The following CFAP299 variants were observed in gnomAD, a reference collection of about 807,000 sequenced individuals.
CFAP299 encodes the protein cilia- and flagella-associated protein 299.
Under a neutral mutation model 27.0 loss-of-function variants are expected in CFAP299, and 21 were observed. The ratio of observed to expected loss-of-function variants is 0.78; its 90% CI spans 0.55 to 1.12. CFAP299 has a LOEUF of 1.12. Among genes scored for constraint, CFAP299 ranks in the 50% most tolerant of loss-of-function variants. The pLI is 0.00. For synonymous variants in CFAP299, 104 were observed against 98.1 expected (o/e 1.06, Z -0.36); for missense variants, 310 against 276.6 (o/e 1.12, Z -0.86).
intron 4 of CFAP299, among the ~76,000 whole-genome samples, chr4:80,933,992 C>T (rs896797387): frequency 6.6e-6 from 1 of 152,072 alleles, no homozygotes; most frequent in Non-Finnish European, 1.5e-5. Flanking sequence ...GAGTAGGCAT[C>T]CTTGTCTTGT....
At position 80,723,522 on chromosome 4, in the gene CFAP299, ACTAAT is replaced by A. The variant is rs1305531295; in HGVS notation, c.333+140343_333+140347del. 2.6e-5 allele frequency among the ~76,000 whole-genome samples: 4 copies of A among 152,244 alleles called. No homozygotes were observed. The East Asian group carries it at 7.7e-4, about 29-fold the overall frequency. ...ATATAAAATTCTAAAAAAAACGCAAACTAATCTATAGTTAAAGAAACTACATCTGT... is the reference window on the plus strand; with the variant it reads ...ATATAAAATTCTAAAAAAAACGCAAACTATAGTTAAAGAAACTACATCTGT... On this transcript the variant is annotated intron_variant, in intron 3 of 5. Coordinates refer to ENST00000358105, the MANE Select transcript of CFAP299 (RefSeq NM_152770.3).
intron 1 of CFAP299, among the ~76,000 whole-genome samples, chr4:80,344,911 T>G (rs988266599): frequency 1.3e-5 from 2 of 152,204 alleles, no homozygotes; most frequent in African/African-American, 4.8e-5. Flanking sequence ...TCTCAATAGA[T>G]GCAGAAAAGA....
At chr4:80,426,643 C>A (rs34609164) in intron 2 of CFAP299, among the ~76,000 whole-genome samples, 1 of 152,262 alleles carries the variant, frequency 6.6e-6, no homozygotes, top group East Asian at 1.9e-4. Flanking sequence ...GCCTAGGACT[C>A]TATATGTTTA....
intron 3 of CFAP299, among the ~76,000 whole-genome samples, chr4:80,835,347 C>CT (rs1039672304): frequency 2.2e-4 from 33 of 152,178 alleles, no homozygotes; most frequent in African/African-American, 7.5e-4. Context: ...ATCCGCCCGC[C>CT]TCGGCCTGCT....
At position 80,687,428 on chromosome 4, in the gene CFAP299, T is replaced by C. The variant is rs1720276349; in HGVS notation, c.333+104245T>C. ...AACTGAGACCTATGGAAGATAAAAT[T>C]ACTAGCTAAAATTGCAATTGTAGAA... On this transcript the variant is annotated intron_variant, in intron 3 of 5. Transcript: ENST00000358105. Among the ~76,000 whole-genome samples, 4 of 152,156 alleles carry C rather than the reference T, an allele frequency of 2.6e-5. No homozygotes were observed. The East Asian group carries it at 5.8e-4, about 22-fold the overall frequency.
At chr4:80,490,813 A>T (rs1731081524) in intron 2 of CFAP299, among the ~76,000 whole-genome samples, 1 of 152,224 alleles carries the variant, frequency 6.6e-6, no homozygotes, top group South Asian at 2.1e-4. Context: ...ACAATTCAAT[A>T]ACTCAGTAAA....
At chr4:80,437,232 T>C (rs1332050331) in intron 2 of CFAP299, among the ~76,000 whole-genome samples, 2 of 152,234 alleles carry the variant, frequency 1.3e-5, no homozygotes, top group African/African-American at 4.8e-5. Context: ...ACTGAATTAC[T>C]ATATCATTGC....
At chr4:80,897,085 A>G (rs970202918) in intron 4 of CFAP299, among the ~76,000 whole-genome samples, 2 of 152,176 alleles carry the variant, frequency 1.3e-5, no homozygotes, top group Non-Finnish European at 2.9e-5. Context: ...AATTTTAGGA[A>G]CAGTGAGAAG....
At chr4:80,750,246 T>G (rs1724857394) in intron 3 of CFAP299, among the ~76,000 whole-genome samples, 1 of 152,118 alleles carries the variant, frequency 6.6e-6, no homozygotes. Flanking sequence ...TTAAAAAAAT[T>G]TTAACTAATT....
At chr4:80,792,343 G>A (rs1475229592) in intron 3 of CFAP299, among the ~76,000 whole-genome samples, 1 of 152,010 alleles carries the variant, frequency 6.6e-6, no homozygotes, top group Non-Finnish European at 1.5e-5. Context: ...AACTTTCTGA[G>A]TTGCGTTAGG....
At chr4:80,439,862 G>A (rs1440442916) in intron 2 of CFAP299, among the ~76,000 whole-genome samples, 1 of 152,166 alleles carries the variant, frequency 6.6e-6, no homozygotes, top group Non-Finnish European at 1.5e-5. Flanking sequence ...CGAGCTTGGT[G>A]GGGGGAAGGG....
intron 2 of CFAP299, among the ~76,000 whole-genome samples, chr4:80,484,920 C>A (rs1227229981): frequency 6.6e-6 from 1 of 152,030 alleles, no homozygotes; most frequent in African/African-American, 2.4e-5. Flanking sequence ...ATAGAAAAAC[C>A]TCAGCTGTAA....
Position 80,363,519 on chromosome 4 carries a change from G to A in CFAP299, c.242+635G>A, listed in dbSNP as rs143842495. On this transcript the variant is annotated intron_variant, in intron 2 of 5. Coordinates refer to ENST00000358105, the MANE Select transcript of CFAP299 (RefSeq NM_152770.3). ...ATCATTAAAGTATAAATGTTGGGGAGGATAATTACTTAGAAATCAGTATAC... is the reference window on the plus strand; with the variant it reads ...ATCATTAAAGTATAAATGTTGGGGAAGATAATTACTTAGAAATCAGTATAC... Among the ~76,000 whole-genome samples the A allele has an allele frequency of 2.8e-4, 43 of 152,072 alleles. No homozygotes were observed. In the East Asian group the frequency reaches 7.9e-3, roughly 28 times the overall value.
chr4:80,842,545 G>A (rs1208121629), intron 3 of CFAP299, among the ~76,000 whole-genome samples: 2 of 152,148 alleles, frequency 1.3e-5, no homozygotes, highest in Non-Finnish European at 2.9e-5. Context: ...AATGTAAAAT[G>A]TAATAATGCA....
chr4:80,450,708 T>C (rs1728859438), intron 2 of CFAP299, among the ~76,000 whole-genome samples: 1 of 152,204 alleles, frequency 6.6e-6, no homozygotes, highest in African/African-American at 2.4e-5. Flanking sequence ...AGTTTGTCCA[T>C]AGAACTATAT....
intron 2 of CFAP299, among the ~76,000 whole-genome samples, chr4:80,385,823 CTGGAGGCAGAG>C (rs1724944607): frequency 6.6e-6 from 1 of 152,252 alleles, no homozygotes. Flanking sequence ...TGGAGGCAGC[CTGGAGGCAGAG>C]TGGGCGGAAC....
intron 2 of CFAP299, among the ~76,000 whole-genome samples, chr4:80,406,031 T>C (rs1246647323): frequency 6.6e-6 from 1 of 152,144 alleles, no homozygotes; most frequent in Non-Finnish European, 1.5e-5. Context: ...ATAGATCATG[T>C]CATGACTGAA....
At chr4:80,643,669 A>G (rs548856593) in intron 3 of CFAP299, among the ~76,000 whole-genome samples, 3 of 152,278 alleles carry the variant, frequency 2.0e-5, no homozygotes, top group Admixed American at 6.5e-5. Flanking sequence ...GGGAAGCAGT[A>G]TTTATGGGCC....
At chr4:80,882,633 G>A (rs946668631) in intron 4 of CFAP299, among the ~76,000 whole-genome samples, 8 of 137,746 alleles carry the variant, frequency 5.8e-5, no homozygotes, top group African/African-American at 1.9e-4. Context: ...GCGAGACTCC[G>A]TCTCAAAAAA....
Sources: allele counts gnomAD v4.1 joint callset (sites outside exome capture counted in the v4.1 genomes callset), GRCh38; gene constraint gnomAD v4.1.1; transcripts MANE v1.5; gene names NCBI Gene and HGNC (gene_info 2026-07-23, HGNC 2026-07-21).